Variants in UVRAG observed in about 807,000 individuals in gnomAD.
UVRAG encodes the protein UV radiation resistance associated, also known as UV radiation resistance-associated gene protein.
In UVRAG, 19 loss-of-function variants were observed where a neutral mutation model predicts 78.0. The observed-to-expected ratio is 0.24, with a 90% CI of 0.17 to 0.36. The LOEUF is 0.36. Ranked by LOEUF, UVRAG falls within the 10% of genes least tolerant of loss-of-function variation. The probability of loss-of-function intolerance (pLI) is 1.00; values close to 1 mark genes in which losing one functional copy is unlikely to be tolerated. For missense variants in UVRAG, 740 were observed against 853.8 expected (o/e 0.87, Z 1.66); for synonymous variants, 323 against 324.6 (o/e 1.00, Z 0.05).
At chr11:76,077,928 T>G (rs1271618034) in intron 13 of UVRAG, among the ~76,000 whole-genome samples, 1 of 152,238 alleles carries the variant, frequency 6.6e-6, no homozygotes, top group African/African-American at 2.4e-5. Context: ...CACTTTAGCC[T>G]TTTTACTTGT....
intron 6 of UVRAG, among the ~76,000 whole-genome samples, chr11:75,954,257 C>T (rs1002086576): frequency 1.3e-5 from 2 of 152,124 alleles, no homozygotes; most frequent in Non-Finnish European, 2.9e-5. Context: ...GATCAGAAAG[C>T]GTCTGGGGCA....
At chr11:75,827,544 G>C (rs971201113) in intron 1 of UVRAG, among the ~76,000 whole-genome samples, 1 of 152,174 alleles carries the variant, frequency 6.6e-6, no homozygotes, top group Non-Finnish European at 1.5e-5. Context: ...CCAGGAGGCG[G>C]AGGTTGCAGT....
chr11:76,048,350 A>G (rs1215451573), intron 12 of UVRAG, among the ~76,000 whole-genome samples: 4 of 152,244 alleles, frequency 2.6e-5, no homozygotes, highest in African/African-American at 9.6e-5. Flanking sequence ...AGAACAGGTA[A>G]AGATTAGCCC....
intron 14 of UVRAG, among the ~76,000 whole-genome samples, chr11:76,130,406 G>A (rs1014215260): frequency 2.6e-5 from 4 of 152,122 alleles, no homozygotes; most frequent in Admixed American, 6.5e-5. Context: ...AGAGTCTAGC[G>A]CAGCTAGATA....
Position 76,000,692 on chromosome 11 carries a change from AAC to A in UVRAG, c.827-3311_827-3310del, listed in dbSNP as rs1397659202. 2.0e-5 allele frequency among the ~76,000 whole-genome samples: 3 copies of A among 152,316 alleles called. No homozygotes were observed. In the East Asian group the frequency reaches 5.8e-4, roughly 29 times the overall value. ...ATGGAAAAAGATGTACCATGCAAAT[AAC>A]AGTCAAAAGAAAACTGTAGTGTCTA... On this transcript the variant is annotated intron_variant, in intron 8 of 14. Transcript: ENST00000356136.
intron 13 of UVRAG, among the ~76,000 whole-genome samples, chr11:76,094,895 A>G (rs1169182198): frequency 1.3e-5 from 2 of 152,264 alleles, no homozygotes; most frequent in East Asian, 1.9e-4. Context: ...AACACCTGAC[A>G]TCATTCTATT....
At chr11:75,997,900 C>T (rs1380129972) in intron 8 of UVRAG, among the ~76,000 whole-genome samples, 1 of 152,182 alleles carries the variant, frequency 6.6e-6, no homozygotes, top group African/African-American at 2.4e-5. Flanking sequence ...CTTTCTATAA[C>T]ATTTGCTGTA....
intron 6 of UVRAG, among the ~76,000 whole-genome samples, chr11:75,948,404 G>A (rs907689632): frequency 6.6e-6 from 1 of 152,126 alleles, no homozygotes; most frequent in African/African-American, 2.4e-5. Context: ...AGGAAATTAT[G>A]CGGATAAGAG....
rs1260381315 is a variant in UVRAG at position 75,885,225 on chromosome 11, G to T, written c.433-3604G>T. ...TTGCTAAACTCAAAAATCAAATCTG[G>T]TACTTTTTTTTGGTAGATTTCTTTT... On this transcript the variant is annotated intron_variant, in intron 4 of 14. Coordinates refer to ENST00000356136, the MANE Select transcript of UVRAG (RefSeq NM_003369.4). Among the ~76,000 whole-genome samples, 5 of 151,800 alleles carry T rather than the reference G, an allele frequency of 3.3e-5. No individual in the cohort carries two copies. In the East Asian group the frequency reaches 5.8e-4, roughly 18 times the overall value.
At chr11:75,817,445 G>A (rs1945283667) in intron 1 of UVRAG, among the ~76,000 whole-genome samples, 1 of 152,150 alleles carries the variant, frequency 6.6e-6, no homozygotes, top group South Asian at 2.1e-4. Flanking sequence ...GGTGCCGAGG[G>A]ATATATAGTG....
chr11:76,052,438 C>T (rs1355438033), intron 12 of UVRAG, among the ~76,000 whole-genome samples: 2 of 152,184 alleles, frequency 1.3e-5, no homozygotes, highest in Non-Finnish European at 2.9e-5. Context: ...AGCTGCTGAG[C>T]TCCCCTCTCT....
intron 6 of UVRAG, among the ~76,000 whole-genome samples, chr11:75,928,650 G>A (rs1214559422): frequency 4.6e-5 from 7 of 151,568 alleles, no homozygotes; most frequent in African/African-American, 1.7e-4. Context: ...GTTAAGAATC[G>A]AAAGCTGGGC....
At chr11:75,915,081 T>C (rs1319494183) in intron 6 of UVRAG, 1 of 151,886 alleles carries the variant, frequency 6.6e-6, no homozygotes, top group Non-Finnish European at 1.5e-5. Flanking sequence ...TCATCTCTAC[T>C]AAAAATACAA....
intron 13 of UVRAG, among the ~76,000 whole-genome samples, chr11:76,083,090 C>T (rs1381438564): frequency 6.6e-6 from 1 of 152,098 alleles, no homozygotes; most frequent in Non-Finnish European, 1.5e-5. Context: ...ATGTGTACCC[C>T]CTGAATCTAA....
At chr11:75,822,228 G>C (rs1290577990) in intron 1 of UVRAG, among the ~76,000 whole-genome samples, 2 of 152,124 alleles carry the variant, frequency 1.3e-5, no homozygotes, top group African/African-American at 4.8e-5. Context: ...ACAGGCATGA[G>C]CCACCATGCC....
intron 13 of UVRAG, among the ~76,000 whole-genome samples, chr11:76,114,767 G>T (rs1952144894): frequency 6.6e-6 from 1 of 152,106 alleles, no homozygotes; most frequent in Non-Finnish European, 1.5e-5. Flanking sequence ...ACTGTTTTTA[G>T]TAGGTGTTTA....
intron 13 of UVRAG, among the ~76,000 whole-genome samples, chr11:76,069,517 C>T (rs1259177548): frequency 6.6e-6 from 1 of 152,122 alleles, no homozygotes; most frequent in African/African-American, 2.4e-5. Flanking sequence ...TCAGTTAGTT[C>T]ATAAGTACAT....
In UVRAG at chr11:75,831,800, C is replaced by T. The variant is rs148840123; in HGVS notation, c.117+16276C>T. On this transcript the variant is annotated intron_variant, in intron 1 of 14. Transcript: ENST00000356136. ...AACCCACTGTAAATTGAAAATATCGCTAAGTCAAAAGTGCATTTAATACAC... is the reference window on the plus strand; with the variant it reads ...AACCCACTGTAAATTGAAAATATCGTTAAGTCAAAAGTGCATTTAATACAC... Among the ~76,000 whole-genome samples the T allele has an allele frequency of 9.2e-5, 14 of 152,280 alleles. No homozygotes were observed. In the East Asian group the frequency reaches 2.7e-3, roughly 29 times the overall value.
At chr11:75,818,693 G>T (rs1046396416) in intron 1 of UVRAG, among the ~76,000 whole-genome samples, 1 of 152,046 alleles carries the variant, frequency 6.6e-6, no homozygotes, top group Non-Finnish European at 1.5e-5. Context: ...TGGCCAGGCT[G>T]GTCTGGAACC....
Sources: gnomAD v4.1 joint callset for allele counts (sites outside exome capture counted in the v4.1 genomes callset) on GRCh38, gnomAD v4.1.1 for gene constraint, MANE v1.5 for transcripts, NCBI Gene and HGNC (gene_info 2026-07-23, HGNC 2026-07-21) for gene names.